The following DDX31 variants were observed in gnomAD, a reference collection of about 807,000 sequenced individuals.
DDX31 encodes DEAD-box helicase 31, also known as ATP-dependent DNA helicase DDX31.
A neutral mutation model predicts 91.3 loss-of-function variants in DDX31; 70 were observed. The ratio of observed to expected loss-of-function variants is 0.77; its 90% CI spans 0.63 to 0.94. DDX31 has a LOEUF of 0.94. Among genes scored for constraint, DDX31 ranks in the 40% least tolerant of loss-of-function variants. The pLI is 0.00. For synonymous variants in DDX31, 362 were observed against 350.6 expected (o/e 1.03, Z -0.36); for missense variants, 902 against 925.0 (o/e 0.98, Z 0.32).
chr9:132,624,443 C>T (rs1832265987), intron 17 of DDX31, among the ~76,000 whole-genome samples: 1 of 152,140 alleles, frequency 6.6e-6, no homozygotes, highest in African/African-American at 2.4e-5. Context: ...CAAATTTCAC[C>T]TCTAAATATG....
intron 4 of DDX31, chr9:132,660,927 T>C (rs1330171331): frequency 9.5e-6 from 4 of 419,920 alleles, no homozygotes; most frequent in East Asian, 4.5e-5. Flanking sequence ...CAAATTCTTT[T>C]CAGGGAAGCA....
intron 1 of DDX31, among the ~76,000 whole-genome samples, chr9:132,663,770 G>A (rs1835134130): frequency 6.6e-6 from 1 of 152,044 alleles, no homozygotes; most frequent in African/African-American, 2.4e-5. Flanking sequence ...TTTTACCTAA[G>A]TAATTAAATA....
intron 19 of DDX31, among the ~76,000 whole-genome samples, chr9:132,599,262 G>A (rs1830601041): frequency 6.6e-6 from 1 of 152,216 alleles, no homozygotes; most frequent in Non-Finnish European, 1.5e-5. Flanking sequence ...TAGGTCATTT[G>A]TCCAGGGCCA....
At chr9:132,604,234 C>T (rs1830880221) in intron 19 of DDX31, among the ~76,000 whole-genome samples, 1 of 152,132 alleles carries the variant, frequency 6.6e-6, no homozygotes, top group African/African-American at 2.4e-5. Flanking sequence ...GACAAATGGT[C>T]CCTGAGACTA....
At chr9:132,605,422 G>C (rs997284969) in intron 19 of DDX31, among the ~76,000 whole-genome samples, 1 of 152,130 alleles carries the variant, frequency 6.6e-6, no homozygotes, top group Non-Finnish European at 1.5e-5. Flanking sequence ...CAGGGTTTGG[G>C]TGCTCAAAAA....
chr9:132,637,182 A>G (rs1833171830), intron 14 of DDX31, among the ~76,000 whole-genome samples: 1 of 152,170 alleles, frequency 6.6e-6, no homozygotes, highest in South Asian at 2.1e-4. Flanking sequence ...GGGAAACAGC[A>G]GAGGCTCCAT....
Position 132,658,648 on chromosome 9 carries a change from A to C in DDX31, c.588+23T>G, listed in dbSNP as rs368551645. ...TTGCTTATGCACTATGAGCAATGAC[A>C]GAAAAACACATTTGATACACACCTG... On this transcript the variant is annotated intron_variant, in intron 6 of 19. Transcript: ENST00000372159. 1.0e-4 allele frequency: 164 copies of C among 1,609,802 alleles called. 1 individual carries two copies. Among genetic ancestry groups the C allele is most frequent in the Non-Finnish European group, 1.3e-4 (157 of 1,177,182 alleles).
At chr9:132,631,024 T>C (rs1012804552) in intron 15 of DDX31, among the ~76,000 whole-genome samples, 1 of 152,244 alleles carries the variant, frequency 6.6e-6, no homozygotes, top group Non-Finnish European at 1.5e-5. Flanking sequence ...GGTAGGGACA[T>C]GCTTCTGCTT....
chr9:132,646,422 T>C (rs1833843343), intron 12 of DDX31, among the ~76,000 whole-genome samples: 1 of 152,150 alleles, frequency 6.6e-6, no homozygotes, highest in African/African-American at 2.4e-5. Context: ...CCTTCACCCT[T>C]AAGCCCTTCC....
intron 7 of DDX31, among the ~76,000 whole-genome samples, chr9:132,651,862 T>C (rs1456513458): frequency 6.6e-6 from 1 of 152,210 alleles, no homozygotes; most frequent in Non-Finnish European, 1.5e-5. Context: ...TGAGCTGAGA[T>C]AGGGGACTGC....
chr9:132,652,561 C>T, intron 6 of DDX31, 69 bp from the exon 7 acceptor site: 1 of 1,586,478 alleles, frequency 6.3e-7, no homozygotes, highest in Non-Finnish European at 8.6e-7. Context: ...GGACAGGACA[C>T]AGGGGTGGCC....
intron 19 of DDX31, among the ~76,000 whole-genome samples, chr9:132,601,893 G>A (rs1211426167): frequency 1.3e-5 from 2 of 152,198 alleles, no homozygotes; most frequent in South Asian, 4.1e-4. Flanking sequence ...AACGATTAAT[G>A]AGCTAACACT....
In DDX31 at chr9:132,646,526, C is replaced by G. The variant is rs369221169; in HGVS notation, c.1203+297G>C. On this transcript the variant is annotated intron_variant, in intron 12 of 19. Transcript: ENST00000372159. ...TCTTGGAGAAACATGAGCACAAGCC[C>G]CTACGTCTGCCTCACATCCAGCTGT... is the stretch of plus-strand genomic sequence containing the variant. Among the ~76,000 whole-genome samples the G allele has an allele frequency of 1.2e-4, 18 of 152,204 alleles. No homozygotes were observed. The East Asian group carries it at 3.1e-3, about 26-fold the overall frequency.
chr9:132,650,882 T>C (rs760245860), intron 8 of DDX31, among the ~76,000 whole-genome samples, 193 bp downstream of exon 8: 10 of 152,246 alleles, frequency 6.6e-5, no homozygotes, highest in Non-Finnish European at 1.3e-4. Context: ...CAGGAGTCAC[T>C]GATAATTCAG....
intron 1 of DDX31, among the ~76,000 whole-genome samples, chr9:132,666,523 TTTTTGTTTTGC>T (rs1219817738): frequency 2.0e-5 from 3 of 151,970 alleles, no homozygotes; most frequent in Admixed American, 6.6e-5. Context: ...CAGAAATTTT[TTTTTGTTTTGC>T]TTTTGTTTTG....
chr9:132,635,253 T>C (rs558806589), intron 14 of DDX31, among the ~76,000 whole-genome samples: 4 of 152,090 alleles, frequency 2.6e-5, no homozygotes, highest in Non-Finnish European at 5.9e-5. Context: ...TTTGAGACCA[T>C]GCGAATAGCA....
At chr9:132,598,271 C>T (rs1830545675) in intron 19 of DDX31, among the ~76,000 whole-genome samples, 1 of 152,204 alleles carries the variant, frequency 6.6e-6, no homozygotes, top group East Asian at 1.9e-4. Flanking sequence ...TGCTCTAAAC[C>T]CAAGCATGCG....
At chr9:132,637,946 C>T (rs1052159523) in intron 14 of DDX31, 20 of 1,008,878 alleles carry the variant, frequency 2.0e-5, no homozygotes, top group Admixed American at 1.1e-4. Context: ...TCCTAGCCTC[C>T]TGGCACGGTG....
intron 19 of DDX31, among the ~76,000 whole-genome samples, chr9:132,606,950 AGAT>A (rs1831064047): frequency 6.6e-6 from 1 of 152,234 alleles, no homozygotes; most frequent in African/African-American, 2.4e-5. Context: ...AGGCCTTCAA[AGAT>A]GAAAACCACC....
Sources: gnomAD v4.1 joint callset for allele counts (sites outside exome capture counted in the v4.1 genomes callset) on GRCh38, gnomAD v4.1.1 for gene constraint, MANE v1.5 for transcripts, NCBI Gene and HGNC (gene_info 2026-07-23, HGNC 2026-07-21) for gene names.